SI: variants seen among roughly 807,000 people sequenced by gnomAD.
SI encodes the protein sucrase-isomaltase, intestinal.
Under a neutral mutation model 253.3 loss-of-function variants are expected in SI, and 235 were observed. The observed-to-expected ratio is 0.93, with a 90% CI of 0.83 to 1.03. SI has a LOEUF of 1.03. Ranked by LOEUF, SI falls within the 50% of genes least tolerant of loss-of-function variation. The probability of loss-of-function intolerance (pLI) is 0.00; values close to 1 mark genes in which losing one functional copy is unlikely to be tolerated. For synonymous variants in SI, 819 were observed against 712.0 expected (o/e 1.15, Z -2.39); for missense variants, 2,442 against 2,211.1 (o/e 1.10, Z -2.09).
chr3:165,072,171 G>A (rs1188688365), intron 3 of SI, among the ~76,000 whole-genome samples: 1 of 151,438 alleles, frequency 6.6e-6, no homozygotes, highest in Non-Finnish European at 1.5e-5. Context: ...TTTAAATTAA[G>A]GAAATTTTTA....
chr3:165,088,161 C>T, the SI span, among the ~76,000 whole-genome samples: 1 of 150,756 alleles, frequency 6.6e-6, no homozygotes, highest in Non-Finnish European at 1.5e-5. Flanking sequence ...CCCTGGAGAA[C>T]ATGGCAAAAC....
intron 25 of SI, among the ~76,000 whole-genome samples, chr3:165,026,170 C>A (rs1711908212): frequency 6.6e-6 from 1 of 150,904 alleles, no homozygotes; most frequent in African/African-American, 2.4e-5. Flanking sequence ...CACTGAAAGC[C>A]AGAAGTAGCT....
chr3:165,009,451 A>C, intron 34 of SI, 56 bp from the exon 35 acceptor site: 1 of 914,304 alleles, frequency 1.1e-6, no homozygotes, highest in Non-Finnish European at 1.8e-6. Context: ...GATTATATAC[A>C]TATAAATCTG....
chr3:164,996,469 C>T (rs1207025365), intron 40 of SI, 66 bp downstream of exon 40: 2 of 910,536 alleles, frequency 2.2e-6, no homozygotes, highest in Non-Finnish European at 3.7e-6. Flanking sequence ...AAGCCATGTA[C>T]ACTAAAGTAT....
At chr3:165,027,646 ATGGTTT>A (rs1465278848) in intron 25 of SI, among the ~76,000 whole-genome samples, 2 of 151,450 alleles carry the variant, frequency 1.3e-5, no homozygotes. Context: ...GGATACGGGG[ATGGTTT>A]CACATATGCA....
At chr3:165,074,279 G>A (rs9827104) in intron 3 of SI, 124,014 of 205,648 alleles carry the variant, frequency 0.6, 37,877 homozygotes, top group East Asian at 0.82. Flanking sequence ...ATGAAGATTT[G>A]TAAAATTAAC....
rs1288844223 is a variant in SI at position 165,070,745 on chromosome 3, A to T, written c.256-1550T>A. Among the ~76,000 whole-genome samples, 24 of 152,248 alleles carry T rather than the reference A, an allele frequency of 1.6e-4. No individual in the cohort carries two copies. In the East Asian group the frequency reaches 2.9e-3, roughly 18 times the overall value. ...TATATAGTAAAATAGGCTTACGTTAATTTCCTGAAAATATGCCATATTAGT... is the reference window on the plus strand; with the variant it reads ...TATATAGTAAAATAGGCTTACGTTATTTTCCTGAAAATATGCCATATTAGT... On this transcript the variant is annotated intron_variant, in intron 3 of 47. Coordinates refer to ENST00000264382, the MANE Select transcript of SI (RefSeq NM_001041.4).
chr3:165,016,230 A>C, intron 31 of SI, 150 bp from the exon 32 acceptor site: 1 of 712,610 alleles, frequency 1.4e-6, no homozygotes, highest in Middle Eastern at 3.0e-4. Context: ...TTAGTGTTCA[A>C]GGAATAAAAG....
intron 45 of SI, 57 bp from the exon 46 acceptor site, chr3:164,983,108 A>T: frequency 6.8e-7 from 1 of 1,470,718 alleles, no homozygotes; most frequent in Non-Finnish European, 9.4e-7. Context: ...GAACCATAGT[A>T]AATACCTGTA....
intron 12 of SI, 142 bp downstream of exon 12, chr3:165,058,821 C>T: frequency 2.4e-5 from 15 of 629,494 alleles, no homozygotes; most frequent in South Asian, 4.0e-5. Flanking sequence ...TATTTTTCTC[C>T]ACAATTAAAA....
intron 2 of SI, among the ~76,000 whole-genome samples, chr3:165,075,294 G>A (rs1325569055): frequency 1.3e-5 from 2 of 151,940 alleles, no homozygotes; most frequent in Middle Eastern, 3.2e-3. Flanking sequence ...TAGTCTAGAA[G>A]ATAATGTGTA....
At position 164,979,387 on chromosome 3, in the gene SI, T is replaced by G. The variant is rs1374229020; in HGVS notation, c.5459A>C (p.Glu1820Ala). ...DLTTHNVTLEEPIEINWS is the reference protein window; with the variant it reads ...DLTTHNVTLEAPIEINWS The stretch of plus-strand genomic sequence containing the variant: ...TCATGACCAGTTGATTTCTATTGGT[T>G]CTTCTAGAGTAACATTGTGTGTGGT... Residue 1820 changes from glutamate (E) to alanine (A), a missense_variant, in exon 48 of 48, where the codon GAA becomes GCA. Glu to Ala is a moderately radical substitution (Grantham distance 107). Coordinates refer to ENST00000264382, the MANE Select transcript of SI (RefSeq NM_001041.4). 1.3e-6 allele frequency: 2 copies of G among 1,589,742 alleles called. No homozygotes were observed. Among genetic ancestry groups the G allele is most frequent in the Non-Finnish European group, 1.7e-6 (2 of 1,159,424 alleles).
chr3:165,084,153 A>T, the SI span, among the ~76,000 whole-genome samples: 1 of 152,042 alleles, frequency 6.6e-6, no homozygotes, highest in Non-Finnish European at 1.5e-5. Context: ...CCCCAAAAAG[A>T]ACCTATGCCC....
chr3:165,042,965 T>G, intron 17 of SI, 94 bp downstream of exon 17: 2 of 807,670 alleles, frequency 2.5e-6, no homozygotes, highest in Non-Finnish European at 4.4e-6. Context: ...GCTACAATCT[T>G]TCAGACCATA....
In SI at chr3:165,033,403, C is replaced by T; in HGVS notation, c.2557G>A (p.Val853Ile). ...ACAAAGAGAGTGCTTACATTAGAAACTGAAAATGTATATAATATGTAGTTG... is the reference window on the plus strand; with the variant it reads ...ACAAAGAGAGTGCTTACATTAGAAATTGAAAATGTATATAATATGTAGTTG... ...NGNYILYTFS[V>I]SNNTLDIVCT... Residue 853 changes from valine to isoleucine, a missense_variant, in exon 23 of 48, where the codon GTT becomes ATT. Coordinates refer to ENST00000264382, the MANE Select transcript of SI (RefSeq NM_001041.4). 1 of 1,558,198 alleles carries T rather than the reference C, an allele frequency of 6.4e-7. No individual in the cohort carries two copies.
chr3:165,050,821 C>T (rs1447277801), intron 13 of SI, among the ~76,000 whole-genome samples: 1 of 151,882 alleles, frequency 6.6e-6, no homozygotes, highest in Non-Finnish European at 1.5e-5. Context: ...CACATCATGC[C>T]CATATTTTAA....
At chr3:165,018,344 A>G (rs1370142014) in intron 28 of SI, among the ~76,000 whole-genome samples, 1 of 150,750 alleles carries the variant, frequency 6.6e-6, no homozygotes, top group African/African-American at 2.4e-5. Flanking sequence ...AATATACAAT[A>G]TGTAACAACT....
intron 36 of SI, among the ~76,000 whole-genome samples, chr3:165,007,603 C>T (rs922875403): frequency 6.6e-6 from 1 of 151,636 alleles, no homozygotes; most frequent in African/African-American, 2.4e-5. Flanking sequence ...AAAATAACAA[C>T]TTCAAACAAA....
chr3:165,013,323 TGGTCAAAA>T (rs1288249172), intron 33 of SI, among the ~76,000 whole-genome samples: 1 of 152,150 alleles, frequency 6.6e-6, no homozygotes, highest in Non-Finnish European at 1.5e-5. Flanking sequence ...CAAAAGGTTC[TGGTCAAAA>T]ACTAATATGA....
Sources: gnomAD v4.1 joint callset for allele counts (sites outside exome capture counted in the v4.1 genomes callset) on GRCh38, gnomAD v4.1.1 for gene constraint, MANE v1.5 for transcripts, NCBI Gene and HGNC (gene_info 2026-07-23, HGNC 2026-07-21) for gene names.